Variants in NPIPB11 observed in about 807,000 individuals in gnomAD.
The protein encoded by NPIPB11 is nuclear pore complex-interacting protein family member B11.
NPIPB11 carries 17 observed loss-of-function variants against 32.8 expected under a neutral mutation model. The observed-to-expected ratio is 0.52, with a 90% CI of 0.35 to 0.78. NPIPB11 has a LOEUF of 0.78. Ranked by LOEUF, NPIPB11 falls within the 30% of genes least tolerant of loss-of-function variation. The probability of loss-of-function intolerance (pLI) is 0.01; values close to 1 mark genes in which losing one functional copy is unlikely to be tolerated. For synonymous variants in NPIPB11, 209 were observed against 398.4 expected, an observed-to-expected ratio of 0.52 and a Z score of 5.66; for missense variants, 537 against 1,000.4, an observed-to-expected ratio of 0.54 and a Z score of 6.25.
At chr16:29,405,440 G>T (rs1343216642), upstream of NPIPB11, among the ~76,000 whole-genome samples, 1 of 152,080 alleles carries the variant, frequency 6.6e-6, no homozygotes, top group South Asian at 2.1e-4. Flanking sequence ...ATTCTTATAC[G>T]ATAATGATAA....
At chr16:29,394,328 T>A (rs1476886117) in intron 2 of NPIPB11, among the ~76,000 whole-genome samples, 1 of 151,862 alleles carries the variant, frequency 6.6e-6, no homozygotes. Context: ...GGATATCCAA[T>A]CTTTTGACTT....
At chr16:29,401,148 A>G (rs4017116) in intron 2 of NPIPB11, among the ~76,000 whole-genome samples, 5 of 152,144 alleles carry the variant, frequency 3.3e-5, no homozygotes, top group African/African-American at 1.2e-4. Context: ...TGGGAGCAAT[A>G]GTTTACAACC....
At chr16:29,402,587 C>A (rs1310215133) in intron 2 of NPIPB11, among the ~76,000 whole-genome samples, 1 of 112,228 alleles carries the variant, frequency 8.9e-6, no homozygotes, top group Non-Finnish European at 1.7e-5. Context: ...ACCTGTAGTC[C>A]CAGCTACTCA....
chr16:29,395,917 G>T (rs1460072290), intron 2 of NPIPB11, among the ~76,000 whole-genome samples: 1 of 151,390 alleles, frequency 6.6e-6, no homozygotes, highest in African/African-American at 2.4e-5. Context: ...GGCAGAGGTT[G>T]CAGTGAGCCG....
chr16:29,393,885 T>G, intron 3 of NPIPB11, 63 bp downstream of exon 3: 1 of 1,356,154 alleles, frequency 7.4e-7, no homozygotes, highest in Non-Finnish European at 9.9e-7. Flanking sequence ...TGTGAATTGT[T>G]TTATATAATT....
chr16:29,393,474 A>C (rs1271796324), intron 3 of NPIPB11, among the ~76,000 whole-genome samples: 3 of 152,212 alleles, frequency 2.0e-5, no homozygotes, highest in Admixed American at 6.5e-5. Flanking sequence ...ACCACCCGGC[A>C]GTTCTAGCAG....
chr16:29,399,950 G>A (rs4017098), intron 2 of NPIPB11, among the ~76,000 whole-genome samples: 15 of 151,578 alleles, frequency 9.9e-5, no homozygotes, highest in African/African-American at 2.2e-4. Flanking sequence ...GGTGGCACCC[G>A]CCTGTAATCC....
At chr16:29,402,722 CTCTG>C (rs1297344816) in intron 2 of NPIPB11, among the ~76,000 whole-genome samples, 262 of 113,796 alleles carry the variant, frequency 2.3e-3, no homozygotes, top group African/African-American at 6.6e-3. Flanking sequence ...CTCTCTCTCT[CTCTG>C]TGTGTGTGTG....
chr16:29,399,622 C>T (rs1234213809), intron 2 of NPIPB11, among the ~76,000 whole-genome samples: 2 of 151,822 alleles, frequency 1.3e-5, no homozygotes, highest in Admixed American at 6.6e-5. Context: ...AGTTTGAACC[C>T]AGGAGGCAGA....
intron 2 of NPIPB11, among the ~76,000 whole-genome samples, chr16:29,398,664 T>C (rs1034010288): frequency 4.6e-5 from 7 of 151,830 alleles, no homozygotes; most frequent in African/African-American, 9.7e-5. Context: ...GATTAAAAGC[T>C]AATTCAAAAT....
At chr16:29,395,994 T>A (rs1221379979) in intron 2 of NPIPB11, among the ~76,000 whole-genome samples, 4 of 149,404 alleles carry the variant, frequency 2.7e-5, no homozygotes. Context: ...AAAAAAAAAA[T>A]TACCAAGGTG....
chr16:29,390,308 T>C (rs1349261826), exon 4 of NPIPB11: 9 of 1,574,724 alleles, frequency 5.7e-6, no homozygotes, highest in South Asian at 2.2e-5. Context: ...GGATCCATCA[T>C]GTCCATTTCG....
At chr16:29,393,920 T>G (rs753492826) in intron 3 of NPIPB11, 28 bp downstream of exon 3, 85 of 1,526,342 alleles carry the variant, frequency 5.6e-5, no homozygotes, top group Non-Finnish European at 7.3e-5. Flanking sequence ...ATTACAAGTA[T>G]ACCTCTACAG....
chr16:29,391,823 C>A (rs536676870), intron 3 of NPIPB11, among the ~76,000 whole-genome samples: 1 of 151,992 alleles, frequency 6.6e-6, no homozygotes, highest in African/African-American at 2.4e-5. Context: ...CAGATTCAAG[C>A]GATTCTTGTG....
At chr16:29,392,269 T>A (rs565487528) in intron 3 of NPIPB11, among the ~76,000 whole-genome samples, 1 of 152,232 alleles carries the variant, frequency 6.6e-6, no homozygotes, top group Admixed American at 6.5e-5. Context: ...CATGCATGAA[T>A]GCTTCATGGC....
chr16:29,383,084 A>G (rs1963529299), exon 8 of NPIPB11: 1 of 1,596,650 alleles, frequency 6.3e-7, no homozygotes, highest in African/African-American at 1.4e-5. Context: ...TCATCTGCTG[A>G]GGGTGGAGCT....
At chr16:29,383,217 G>A in exon 8 of NPIPB11, 3 of 1,565,820 alleles carry the variant, frequency 1.9e-6, no homozygotes, top group Non-Finnish European at 1.7e-6. Context: ...TGAGGGTGGA[G>A]CTGAGGGTGG....
chr16:29,401,703 T>G (rs1963995278), intron 2 of NPIPB11, among the ~76,000 whole-genome samples: 1 of 152,130 alleles, frequency 6.6e-6, no homozygotes, highest in Non-Finnish European at 1.5e-5. Context: ...TGAGTGGAAG[T>G]GAAGTGTGTC....
exon 8 of NPIPB11, chr16:29,382,264 G>A: frequency 6.2e-7 from 1 of 1,603,946 alleles, no homozygotes; most frequent in East Asian, 2.2e-5. Context: ...GCTGAGGGTG[G>A]AAGCGGAACC....
Sources: gnomAD v4.1 joint callset for allele counts (sites outside exome capture counted in the v4.1 genomes callset) on GRCh38, gnomAD v4.1.1 for gene constraint, MANE v1.5 for transcripts, NCBI Gene and HGNC (gene_info 2026-07-23, HGNC 2026-07-21) for gene names.